The following XKR9 variants were observed in gnomAD, a reference collection of about 807,000 sequenced individuals.
The protein encoded by XKR9 is XK related 9.
In XKR9, 32 loss-of-function variants were observed where a neutral mutation model predicts 32.0. The observed-to-expected ratio is 1.00, with a 90% CI of 0.76 to 1.34. The LOEUF is 1.34. Among genes scored for constraint, XKR9 ranks in the 40% most tolerant of loss-of-function variants. The pLI is 0.00. For synonymous variants in XKR9, 168 were observed against 143.4 expected, an observed-to-expected ratio of 1.17 and a Z score of -1.22; for missense variants, 546 against 429.7, an observed-to-expected ratio of 1.27 and a Z score of -2.39.
At chr8:70,881,424 A>G in the XKR9 span, among the ~76,000 whole-genome samples, 2 of 152,130 alleles carry the variant, frequency 1.3e-5, no homozygotes, top group Admixed American at 1.3e-4. Flanking sequence ...AATTTACAAG[A>G]AAAAAACAAC....
chr8:70,980,008 G>C, the XKR9 span, among the ~76,000 whole-genome samples: 1 of 152,236 alleles, frequency 6.6e-6, no homozygotes. Flanking sequence ...CTCGCAGTTC[G>C]ATCTGAGACT....
chr8:70,963,277 G>A, the XKR9 span, among the ~76,000 whole-genome samples: 4 of 152,154 alleles, frequency 2.6e-5, no homozygotes, highest in Non-Finnish European at 5.9e-5. Flanking sequence ...CATCACTCAT[G>A]TCCTGCAAAG....
intron 4 of XKR9, among the ~76,000 whole-genome samples, chr8:70,721,710 T>G (rs2132217326): frequency 6.6e-6 from 1 of 152,218 alleles, no homozygotes; most frequent in East Asian, 1.9e-4. Context: ...CTGAGGAGGG[T>G]TTCGCTTCCA....
intron 2 of XKR9, among the ~76,000 whole-genome samples, chr8:70,741,229 A>G (rs6994488): frequency 0.32 from 48,425 of 152,086 alleles, 9,073 homozygotes; most frequent in Non-Finnish European, 0.43. Flanking sequence ...AGATAAGGTT[A>G]TCAGGGTGGG....
chr8:70,799,141 G>T, the XKR9 span, among the ~76,000 whole-genome samples: 1 of 152,188 alleles, frequency 6.6e-6, no homozygotes, highest in Non-Finnish European at 1.5e-5. Context: ...TCTTTAGGCA[G>T]TGTGGCCATT....
chr8:70,741,376 C>T (rs1394834127), intron 2 of XKR9, among the ~76,000 whole-genome samples: 1 of 152,186 alleles, frequency 6.6e-6, no homozygotes, highest in African/African-American at 2.4e-5. Context: ...TAGTGCTATG[C>T]TCTTGGCCTT....
the XKR9 span, among the ~76,000 whole-genome samples, chr8:70,966,590 G>C: frequency 3.9e-5 from 6 of 152,218 alleles, no homozygotes; most frequent in Admixed American, 2.0e-4. Context: ...TGGTTATTCT[G>C]TTGTTTTTGT....
chr8:70,873,904 ATTG>A, the XKR9 span, among the ~76,000 whole-genome samples: 2 of 152,300 alleles, frequency 1.3e-5, no homozygotes, highest in South Asian at 4.1e-4. Context: ...GGCCAACTTC[ATTG>A]TTGTCTTATT....
chr8:70,945,679 G>T, the XKR9 span, among the ~76,000 whole-genome samples: 246 of 152,164 alleles, frequency 1.6e-3, 1 homozygote, highest in African/African-American at 5.7e-3. Context: ...CTTATTTACA[G>T]TGTTAGAAGA....
chr8:71,027,498 G>GTA, the XKR9 span, among the ~76,000 whole-genome samples: 63,202 of 146,908 alleles, frequency 0.43, 14,504 homozygotes, highest in Non-Finnish European at 0.52. Flanking sequence ...ATATGTGTGT[G>GTA]TATATATATA....
the XKR9 span, among the ~76,000 whole-genome samples, chr8:70,804,023 T>G: frequency 6.6e-6 from 1 of 152,234 alleles, no homozygotes; most frequent in Non-Finnish European, 1.5e-5. Context: ...TGAGTTGCCA[T>G]AGAAGCAGGT....
the XKR9 span, among the ~76,000 whole-genome samples, chr8:71,019,936 T>G: frequency 3.3e-5 from 5 of 152,202 alleles, no homozygotes; most frequent in African/African-American, 1.2e-4. Context: ...CTGACATACC[T>G]TCTACTTACT....
In XKR9 at chr8:70,733,958, G is replaced by A. The variant is rs538563992; in HGVS notation, c.656G>A (p.Ser219Asn). The change falls in exon 5 of 5, where the codon AGT becomes AAT. Residue 219 changes from serine (S) to asparagine (N), a missense_variant. Coordinates refer to ENST00000408926, the MANE Select transcript of XKR9 (RefSeq NM_001011720.2). ...KLFTLLSWML[S>N]VVLLLFLNVK... ...TTTACATTATTATCGTGGATGCTGA[G>A]TGTTGTACTTCTACTATTCTTAAAT... 9 of 1,612,702 alleles carry A rather than the reference G, an allele frequency of 5.6e-6. No individual in the cohort carries two copies. Among genetic ancestry groups the A allele is most frequent in the South Asian group, 5.5e-5 (5 of 90,532 alleles).
chr8:70,838,809 T>G, the XKR9 span, among the ~76,000 whole-genome samples: 1 of 152,142 alleles, frequency 6.6e-6, no homozygotes, highest in South Asian at 2.1e-4. Flanking sequence ...TTTGTGGTTT[T>G]AGTTTGTTTT....
At chr8:71,013,095 A>G in the XKR9 span, among the ~76,000 whole-genome samples, 2 of 152,134 alleles carry the variant, frequency 1.3e-5, no homozygotes, top group South Asian at 2.1e-4. Context: ...ATGAGATGGA[A>G]GGTTGAAGTT....
At chr8:70,861,671 A>T in the XKR9 span, among the ~76,000 whole-genome samples, 2 of 152,122 alleles carry the variant, frequency 1.3e-5, no homozygotes, top group Admixed American at 1.3e-4. Context: ...AAATAAAAAC[A>T]AAGTAAAATA....
At chr8:70,710,352 A>G (rs914874001) in intron 4 of XKR9, among the ~76,000 whole-genome samples, 18 of 152,220 alleles carry the variant, frequency 1.2e-4, no homozygotes, top group African/African-American at 2.2e-4. Flanking sequence ...AAGAAAATCT[A>G]GGAAATACCA....
the XKR9 span, among the ~76,000 whole-genome samples, chr8:70,804,955 C>A: frequency 1.3e-5 from 2 of 152,186 alleles, no homozygotes; most frequent in Non-Finnish European, 2.9e-5. Flanking sequence ...TCACCTTCTA[C>A]ACAAATGTTT....
chr8:70,926,680 C>A, the XKR9 span, among the ~76,000 whole-genome samples: 4 of 152,096 alleles, frequency 2.6e-5, no homozygotes, highest in Non-Finnish European at 5.9e-5. Flanking sequence ...ATGCACAGGT[C>A]ACTTACTATC....
Sources: allele counts gnomAD v4.1 joint callset (sites outside exome capture counted in the v4.1 genomes callset), GRCh38; gene constraint gnomAD v4.1.1; transcripts MANE v1.5; gene names NCBI Gene and HGNC (gene_info 2026-07-23, HGNC 2026-07-21).